Variants in GAS7 observed in about 807,000 individuals in gnomAD.
The protein encoded by GAS7 is growth arrest-specific protein 7.
GAS7 carries 28 observed loss-of-function variants against 71.1 expected under a neutral mutation model. The observed-to-expected ratio is 0.39, with a 90% CI of 0.29 to 0.54. GAS7 has a LOEUF of 0.54. Among genes scored for constraint, GAS7 ranks in the 20% least tolerant of loss-of-function variants. GAS7 has a pLI of 0.62. For synonymous variants in GAS7, 258 were observed against 245.8 expected, an observed-to-expected ratio of 1.05 and a Z score of -0.46; for missense variants, 436 against 627.8, an observed-to-expected ratio of 0.69 and a Z score of 3.27.
chr17:9,986,408 T>C (rs2070651023), intron 2 of GAS7, among the ~76,000 whole-genome samples: 1 of 152,190 alleles, frequency 6.6e-6, no homozygotes, highest in South Asian at 2.1e-4. Context: ...CATCCATCAC[T>C]GTTTGCCTAC....
intron 9 of GAS7, among the ~76,000 whole-genome samples, chr17:9,930,453 C>T (rs547541999): frequency 6.6e-6 from 1 of 152,336 alleles, no homozygotes; most frequent in Non-Finnish European, 1.5e-5. Context: ...CTCCTGTCCC[C>T]TAAATCTTCT....
At chr17:10,173,135 A>G (rs891402660) in intron 1 of GAS7, among the ~76,000 whole-genome samples, 1 of 152,216 alleles carries the variant, frequency 6.6e-6, no homozygotes, top group Non-Finnish European at 1.5e-5. Flanking sequence ...GCAGATGCAT[A>G]GAACCAGAAA....
intron 1 of GAS7, among the ~76,000 whole-genome samples, chr17:10,100,350 C>A (rs1486093211): frequency 6.6e-6 from 1 of 152,176 alleles, no homozygotes; most frequent in Non-Finnish European, 1.5e-5. Context: ...TGGATTCAGG[C>A]ACATGGACTC....
At chr17:9,999,659 G>T (rs1019211656) in intron 2 of GAS7, among the ~76,000 whole-genome samples, 2 of 152,144 alleles carry the variant, frequency 1.3e-5, no homozygotes, top group Non-Finnish European at 2.9e-5. Flanking sequence ...TTGTAAACTT[G>T]CTGGATTCCC....
chr17:10,063,843 T>C (rs375856628), intron 1 of GAS7, among the ~76,000 whole-genome samples: 2 of 152,212 alleles, frequency 1.3e-5, no homozygotes, highest in East Asian at 3.8e-4. Context: ...GGTCATGGGC[T>C]TCCCCTTGCA....
At chr17:9,931,703 G>A (rs1315134224) in intron 9 of GAS7, among the ~76,000 whole-genome samples, 1 of 152,212 alleles carries the variant, frequency 6.6e-6, no homozygotes, top group African/African-American at 2.4e-5. Context: ...CTACTGAAGC[G>A]CTTGGTGTAA....
chr17:10,181,639 A>G (rs2074417811), intron 1 of GAS7, among the ~76,000 whole-genome samples: 1 of 152,234 alleles, frequency 6.6e-6, no homozygotes, highest in African/African-American at 2.4e-5. Context: ...AACAAGGCTA[A>G]GGCATGGTAT....
chr17:10,036,612 C>A, intron 1 of GAS7: 1 of 1,455,504 alleles, frequency 6.9e-7, no homozygotes, highest in East Asian at 2.5e-5. Flanking sequence ...GGCACCCCAG[C>A]GGAGGTTCCT....
At position 9,969,986 on chromosome 17, in the gene GAS7, G is replaced by C. The variant is rs1396623176; in HGVS notation, c.386-224C>G. ...CACCCAAATTACTGAATTCTTAGGGGACTGAGTTTCTTTTTTAACCCGAGA... is the reference window on the plus strand; with the variant it reads ...CACCCAAATTACTGAATTCTTAGGGCACTGAGTTTCTTTTTTAACCCGAGA... On this transcript the variant is annotated intron_variant, in intron 3 of 13. Transcript: ENST00000432992. The surrounding 1 kb of genome is among the most constrained non-coding windows in gnomAD (Gnocchi z 5.5). 6.6e-6 allele frequency among the ~76,000 whole-genome samples: 1 copy of C among 152,182 alleles called. No individual in the cohort carries two copies. Among genetic ancestry groups the C allele is most frequent in the Non-Finnish European group, 1.5e-5 (1 of 68,038 alleles).
At chr17:10,065,552 C>T (rs1262647766) in intron 1 of GAS7, among the ~76,000 whole-genome samples, 1 of 152,182 alleles carries the variant, frequency 6.6e-6, no homozygotes, top group Non-Finnish European at 1.5e-5. Context: ...CCTTTGTCTT[C>T]TATCTACAGT....
intron 1 of GAS7, among the ~76,000 whole-genome samples, chr17:10,076,701 G>C (rs2073397630): frequency 6.6e-6 from 1 of 152,160 alleles, no homozygotes; most frequent in South Asian, 2.1e-4. Flanking sequence ...TTGTTATACT[G>C]ATGATTTCAA....
At chr17:10,075,700 A>G (rs1456576470) in intron 1 of GAS7, among the ~76,000 whole-genome samples, 1 of 150,552 alleles carries the variant, frequency 6.6e-6, no homozygotes, top group African/African-American at 2.4e-5. Flanking sequence ...GAGGCTGAAG[A>G]AGGAGGATCA....
intron 7 of GAS7, 61 bp from the exon 8 acceptor site, chr17:9,940,261 T>C: frequency 8.1e-7 from 1 of 1,231,034 alleles, no homozygotes; most frequent in Non-Finnish European, 1.2e-6. Context: ...GGGTCTGCCC[T>C]GCTGCCCTGC....
In GAS7 at chr17:9,926,766, G is replaced by A; in HGVS notation, c.889C>T (p.His297Tyr). Residue 297 changes from histidine (H) to tyrosine (Y), a missense_variant, in exon 10 of 14, where the codon CAC becomes TAC. Coordinates refer to ENST00000432992, the MANE Select transcript of GAS7 (RefSeq NM_201433.2). The surrounding 1 kb of genome is among the most constrained non-coding windows in gnomAD (Gnocchi z 5.0). ...ATCAGGGGCTTCTCCACCTCGCTGTGAAGCTGTTGGGAGAGTAGAGACGCA... is the reference window on the plus strand; with the variant it reads ...ATCAGGGGCTTCTCCACCTCGCTGTAAAGCTGTTGGGAGAGTAGAGACGCA... ...EVHLKFSAKLHSEVEKPLMNF... is the reference protein window; with the variant it reads ...EVHLKFSAKLYSEVEKPLMNF... 6.2e-7 allele frequency: 1 copy of A among 1,614,136 alleles called. No individual in the cohort carries two copies. Among genetic ancestry groups the A allele is most frequent in the Non-Finnish European group, 8.5e-7 (1 of 1,179,994 alleles).
chr17:9,939,854 C>A (rs368376245), intron 8 of GAS7, among the ~76,000 whole-genome samples: 1 of 152,122 alleles, frequency 6.6e-6, no homozygotes, highest in Non-Finnish European at 1.5e-5. Flanking sequence ...GTGATCCACC[C>A]GCCTCGGCCT....
chr17:9,985,828 C>T (rs559399333), intron 2 of GAS7, among the ~76,000 whole-genome samples: 2 of 152,250 alleles, frequency 1.3e-5, no homozygotes, highest in African/African-American at 4.8e-5. Context: ...GAGCTCCCCA[C>T]GGCGCTGCCG....
chr17:10,188,370 G>T (rs1168528930), intron 1 of GAS7, among the ~76,000 whole-genome samples: 1 of 152,118 alleles, frequency 6.6e-6, no homozygotes, highest in Non-Finnish European at 1.5e-5. Flanking sequence ...TGTTCATCTT[G>T]TGCTATCAGA....
chr17:10,052,544 G>A (rs1031705951), intron 1 of GAS7, among the ~76,000 whole-genome samples: 10 of 152,214 alleles, frequency 6.6e-5, no homozygotes, highest in African/African-American at 1.9e-4. Flanking sequence ...CACACACTGC[G>A]TAGCTGTGAG....
intron 2 of GAS7, among the ~76,000 whole-genome samples, chr17:10,007,135 A>C (rs1428683039): frequency 1.3e-5 from 2 of 152,234 alleles, no homozygotes; most frequent in East Asian, 3.8e-4. Context: ...TTGCAAATAA[A>C]AATAGGTGGT....
Sources: gnomAD v4.1 joint callset for allele counts (sites outside exome capture counted in the v4.1 genomes callset) on GRCh38, gnomAD v4.1.1 for gene constraint, Gnocchi (gnomAD v3.1) non-coding constraint, MANE v1.5 for transcripts, NCBI Gene and HGNC (gene_info 2026-07-23, HGNC 2026-07-21) for gene names.